The following SUGCT variants were observed in gnomAD, a reference collection of about 807,000 sequenced individuals.
SUGCT encodes succinyl-CoA:glutarate-CoA transferase.
In SUGCT, 41 loss-of-function variants were observed where a neutral mutation model predicts 55.0. The observed-to-expected ratio is 0.74, with a 90% confidence interval of 0.58 to 0.97. SUGCT has a LOEUF of 0.97. Ranked by LOEUF, SUGCT falls within the 50% of genes least tolerant of loss-of-function variation. The pLI is 0.00. For missense variants in SUGCT, 568 were observed against 547.8 expected (o/e 1.04, Z -0.37); for synonymous variants, 187 against 200.4 (o/e 0.93, Z 0.56).
chr7:40,951,387 T>C, the SUGCT span, among the ~76,000 whole-genome samples: 1 of 152,166 alleles, frequency 6.6e-6, no homozygotes, highest in African/African-American at 2.4e-5. Context: ...TTAATTTTGT[T>C]GATCTTTTCA....
intron 1 of SUGCT, among the ~76,000 whole-genome samples, chr7:40,177,022 C>T (rs749984374): frequency 6.6e-6 from 1 of 151,364 alleles, no homozygotes; most frequent in African/African-American, 2.4e-5. Flanking sequence ...ATATGCATGC[C>T]CTTTCCATCC....
Position 40,243,414 on chromosome 7 carries a change from A to C in SUGCT, c.576+5688A>C, listed in dbSNP as rs74974975. 7.9e-3 allele frequency among the ~76,000 whole-genome samples: 1,199 copies of C among 152,232 alleles called. 49 individuals are homozygous for C. In the East Asian group the frequency reaches 0.1, roughly 13 times the overall value. ...CCCTAGATTAGATGTATATGCATGG[A>C]AAAATGAGAAAATAAAAATAACAGA... On this transcript the variant is annotated intron_variant, in intron 7 of 13. Coordinates refer to ENST00000335693, the MANE Select transcript of SUGCT (RefSeq NM_001193313.2).
intron 6 of SUGCT, among the ~76,000 whole-genome samples, chr7:40,219,695 A>G (rs1787915876): frequency 6.6e-6 from 1 of 152,172 alleles, no homozygotes; most frequent in South Asian, 2.1e-4. Flanking sequence ...GGATGTTTAA[A>G]ATGTACATTA....
chr7:40,456,985 G>A (rs912837721), intron 10 of SUGCT, among the ~76,000 whole-genome samples: 7 of 152,036 alleles, frequency 4.6e-5, no homozygotes, highest in African/African-American at 1.4e-4. Context: ...AACACTTGCA[G>A]TTTTTATTAT....
intron 9 of SUGCT, among the ~76,000 whole-genome samples, chr7:40,409,592 A>G (rs900817613): frequency 1.1e-4 from 17 of 151,816 alleles, no homozygotes; most frequent in Admixed American, 4.6e-4. Context: ...GTTCAATTCT[A>G]TTGTCATTGT....
the SUGCT span, among the ~76,000 whole-genome samples, chr7:40,940,775 T>C: frequency 6.6e-6 from 1 of 152,094 alleles, no homozygotes; most frequent in Non-Finnish European, 1.5e-5. Context: ...TCTAGGGTCT[T>C]TTGGAGGAAT....
At chr7:40,779,904 G>T (rs1251787608) in intron 13 of SUGCT, among the ~76,000 whole-genome samples, 1 of 152,132 alleles carries the variant, frequency 6.6e-6, no homozygotes, top group Non-Finnish European at 1.5e-5. Context: ...TGGCTTCTGG[G>T]TGTTCATTAA....
At chr7:40,371,200 GAA>G (rs1314747949) in intron 9 of SUGCT, among the ~76,000 whole-genome samples, 1 of 152,036 alleles carries the variant, frequency 6.6e-6, no homozygotes, top group African/African-American at 2.4e-5. Flanking sequence ...TTAGTTACTT[GAA>G]AAGAGTTTTT....
chr7:40,945,610 T>C, the SUGCT span, among the ~76,000 whole-genome samples: 1 of 152,148 alleles, frequency 6.6e-6, no homozygotes, highest in Non-Finnish European at 1.5e-5. Flanking sequence ...AACTGTAGGC[T>C]TTCCCCCACT....
chr7:40,265,156 A>G (rs1439930397), intron 7 of SUGCT, among the ~76,000 whole-genome samples: 1 of 152,234 alleles, frequency 6.6e-6, no homozygotes, highest in Non-Finnish European at 1.5e-5. Context: ...TCTGTAGATT[A>G]CATTTGTATA....
chr7:40,806,776 C>A (rs1028948192), intron 13 of SUGCT, among the ~76,000 whole-genome samples: 1 of 152,036 alleles, frequency 6.6e-6, no homozygotes, highest in Non-Finnish European at 1.5e-5. Context: ...GGGATCGGAA[C>A]CTTGGAATGA....
chr7:40,445,892 T>G (rs1269770305), intron 9 of SUGCT, among the ~76,000 whole-genome samples: 4 of 152,152 alleles, frequency 2.6e-5, no homozygotes, highest in Non-Finnish European at 5.9e-5. Flanking sequence ...TTAGGCTGAT[T>G]ATATTCTGAG....
the SUGCT span, among the ~76,000 whole-genome samples, chr7:40,986,735 C>T: frequency 6.6e-6 from 1 of 152,186 alleles, no homozygotes; most frequent in African/African-American, 2.4e-5. Context: ...TCTTGCTCAT[C>T]TGTTCTATGG....
chr7:40,416,642 T>C (rs570162275), intron 9 of SUGCT, among the ~76,000 whole-genome samples: 2 of 152,110 alleles, frequency 1.3e-5, no homozygotes, highest in African/African-American at 4.8e-5. Flanking sequence ...CATTACTCTT[T>C]AGAAATCTTG....
intron 12 of SUGCT, among the ~76,000 whole-genome samples, chr7:40,577,401 C>T (rs111444491): frequency 1.3e-5 from 2 of 151,186 alleles, no homozygotes; most frequent in African/African-American, 2.4e-5. Context: ...TTGCAAATCT[C>T]GTATTTTCCT....
At chr7:40,849,077 G>A (rs1278172962) in intron 13 of SUGCT, among the ~76,000 whole-genome samples, 1 of 152,106 alleles carries the variant, frequency 6.6e-6, no homozygotes, top group East Asian at 1.9e-4. Context: ...AAGCCTTGAA[G>A]ATTAAATGGT....
chr7:40,914,245 C>T, the SUGCT span, among the ~76,000 whole-genome samples: 1 of 136,818 alleles, frequency 7.3e-6, no homozygotes, highest in Admixed American at 7.0e-5. Flanking sequence ...TCACAGTGCT[C>T]AATGCATTTT....
the SUGCT span, among the ~76,000 whole-genome samples, chr7:40,945,472 A>C: frequency 6.6e-6 from 1 of 152,112 alleles, no homozygotes; most frequent in Non-Finnish European, 1.5e-5. Flanking sequence ...AAGGCTGTCT[A>C]CAGATGCACC....
At chr7:40,169,302 C>T (rs1285369886) in intron 1 of SUGCT, among the ~76,000 whole-genome samples, 1 of 152,144 alleles carries the variant, frequency 6.6e-6, no homozygotes, top group African/African-American at 2.4e-5. Flanking sequence ...TAGTGACTGC[C>T]TGTCCTAGGA....
Sources: gnomAD v4.1 joint callset for allele counts (sites outside exome capture counted in the v4.1 genomes callset) on GRCh38, gnomAD v4.1.1 for gene constraint, MANE v1.5 for transcripts, NCBI Gene and HGNC (gene_info 2026-07-23, HGNC 2026-07-21) for gene names.